MAOB: variants seen among roughly 807,000 people sequenced by gnomAD.
MAOB encodes the protein amine oxidase [flavin-containing] B.
A neutral mutation model predicts 41.9 loss-of-function variants in MAOB; 15 were observed. The observed-to-expected ratio is 0.36, with a 90% CI of 0.24 to 0.55. MAOB has a LOEUF of 0.55. MAOB is among the 20% of genes least tolerant of loss of function. The pLI is 0.86. For synonymous variants in MAOB, 167 were observed against 144.2 expected, an observed-to-expected ratio of 1.16 and a Z score of -1.13; for missense variants, 345 against 398.7, an observed-to-expected ratio of 0.87 and a Z score of 1.15.
chrX:43,815,615 C>T (rs1441923214), intron 3 of MAOB, among the ~76,000 whole-genome samples: 2 of 112,054 alleles, frequency 1.8e-5, no homozygotes, highest in East Asian at 5.6e-4. Context: ...AGAGTGCATA[C>T]ATATAGATAA....
In MAOB at chrX:43,850,569, T is replaced by C. The variant is rs750326813; in HGVS notation, c.47-6805A>G. 7.1e-6 allele frequency: 3 copies of C among 424,953 alleles called. No individual in the cohort carries two copies. In the African/African-American group the frequency reaches 8.1e-5, roughly 12 times the overall value. 35.0% of individuals were successfully genotyped at this position (424,953 alleles called of 1,213,427 possible). ...GACATAAACCAAATATTGCAATGTG[T>C]ACCATCATTTTGATCATTGAGAAGC... On this transcript the variant is annotated intron_variant, in intron 1 of 14. Coordinates refer to ENST00000378069, the MANE Select transcript of MAOB (RefSeq NM_000898.5).
chrX:43,796,051 T>C (rs2034523806), intron 6 of MAOB, among the ~76,000 whole-genome samples, 163 bp from the exon 7 acceptor site: 1 of 112,287 alleles, frequency 8.9e-6, no homozygotes, highest in Non-Finnish European at 1.9e-5. Context: ...TTGCTGTCTT[T>C]GGACAAAGTT....
At chrX:43,807,888 A>G (rs1369260572) in intron 3 of MAOB, among the ~76,000 whole-genome samples, 2 of 111,630 alleles carry the variant, frequency 1.8e-5, no homozygotes, top group Non-Finnish European at 3.8e-5. Flanking sequence ...TTGACACACA[A>G]TGCCCCGATT....
chrX:43,811,854 C>T (rs2034751258), intron 3 of MAOB, among the ~76,000 whole-genome samples: 1 of 111,675 alleles, frequency 9.0e-6, no homozygotes, highest in Non-Finnish European at 1.9e-5. Flanking sequence ...CAATTATACC[C>T]TCTTAGTTGT....
In MAOB at chrX:43,878,510, G is replaced by A. The variant is rs766444986; in HGVS notation, c.46+3744C>T. ...ACTCCTGGGCTCAAGCAATCCTCCC[G>A]TCTCAACCTTCCAAGATAAATCGTA... On this transcript the variant is annotated intron_variant, in intron 1 of 14. Transcript: ENST00000378069. Among the ~76,000 whole-genome samples, 5 of 109,660 alleles carry A rather than the reference G, an allele frequency of 4.6e-5. No homozygotes were observed. In the East Asian group the frequency reaches 1.4e-3, roughly 32 times the overall value.
At chrX:43,786,926 T>A (rs944031383) in intron 8 of MAOB, among the ~76,000 whole-genome samples, 1 of 111,640 alleles carries the variant, frequency 9.0e-6, no homozygotes, top group African/African-American at 3.3e-5. Flanking sequence ...CACTTGCAGA[T>A]AGAAAGCTCA....
At chrX:43,805,359 AC>A (rs1156319276) in intron 3 of MAOB, among the ~76,000 whole-genome samples, 1 of 111,682 alleles carries the variant, frequency 9.0e-6, no homozygotes, top group African/African-American at 3.3e-5. Context: ...GGGAGTTATG[AC>A]ACATGTGTAC....
At chrX:43,839,137 T>C in intron 2 of MAOB, 132 bp from the exon 3 acceptor site, 1 of 386,010 alleles carries the variant, frequency 2.6e-6, no homozygotes, top group Non-Finnish European at 4.1e-6. Context: ...CACGAAAAAC[T>C]AGATTTTGTT....
At chrX:43,840,994 G>A (rs1315295489) in intron 2 of MAOB, among the ~76,000 whole-genome samples, 2 of 107,871 alleles carry the variant, frequency 1.9e-5, no homozygotes, top group African/African-American at 6.8e-5. Flanking sequence ...GGAGCCAAGT[G>A]ATCTAGCTCA....
intron 3 of MAOB, among the ~76,000 whole-genome samples, chrX:43,823,981 T>C (rs2034914071): frequency 8.9e-6 from 1 of 112,632 alleles, no homozygotes; most frequent in African/African-American, 3.2e-5. Flanking sequence ...GCTAGCTAAC[T>C]CATGCTGACC....
intron 1 of MAOB, among the ~76,000 whole-genome samples, chrX:43,866,538 G>A (rs966700527): frequency 1.8e-5 from 2 of 112,032 alleles, no homozygotes; most frequent in Admixed American, 9.5e-5. Flanking sequence ...AAAGTAGAAT[G>A]ATGGTTGCCA....
intron 8 of MAOB, among the ~76,000 whole-genome samples, chrX:43,786,148 G>A (rs2034395491): frequency 8.9e-6 from 1 of 111,803 alleles, no homozygotes; most frequent in South Asian, 3.8e-4. Flanking sequence ...ACTGTGACAG[G>A]GCACTGGTGA....
In MAOB at chrX:43,767,290, G is replaced by A. The variant is rs2034123335; in HGVS notation, c.*176C>T. On this transcript the variant is annotated 3_prime_UTR_variant, in exon 15 of 15. Transcript: ENST00000378069. Reference sequence around the variant, plus strand: ...TAAGCCAGGTAAGGGACACTAAGCAGGGGCCACAACGGAGAAAGAGATACC... The same window carrying A: ...TAAGCCAGGTAAGGGACACTAAGCAAGGGCCACAACGGAGAAAGAGATACC... 4.5e-6 allele frequency: 2 copies of A among 443,874 alleles called. No homozygotes were observed. Among genetic ancestry groups the A allele is most frequent in the Non-Finnish European group, 7.4e-6 (2 of 272,070 alleles). 36.6% of individuals were successfully genotyped at this position (443,874 alleles called of 1,213,427 possible). A position where few individuals can be genotyped will look rare whatever the true frequency, so the allele number is the denominator to read the frequency against.
At chrX:43,808,112 G>A (rs773640614) in intron 3 of MAOB, among the ~76,000 whole-genome samples, 1 of 111,020 alleles carries the variant, frequency 9.0e-6, no homozygotes, top group African/African-American at 3.3e-5. Flanking sequence ...TGCACATTGA[G>A]AGCAATGTGC....
rs3216388 is a variant in MAOB, at chrX:43,862,855, C to CA, written c.47-19092dup. Among the ~76,000 whole-genome samples the CA allele has an allele frequency of 9.0e-5, 10 of 110,952 alleles. No homozygotes were observed. In the East Asian group the frequency reaches 2.3e-3, roughly 25 times the overall value. The stretch of plus-strand genomic sequence containing the variant: ...TCCACCCCATATTCTAACCACAAGT[C>CA]AAAAAAATGAAATAAAAATAACCTC... On this transcript the variant is annotated intron_variant, in intron 1 of 14. Coordinates refer to ENST00000378069, the MANE Select transcript of MAOB (RefSeq NM_000898.5).
Position 43,769,316 on chromosome X carries a change from T to G in MAOB, c.1338A>C (p.Ala446=), listed in dbSNP as rs773820803. 5.8e-6 allele frequency: 7 copies of G among 1,207,016 alleles called. No homozygotes were observed. The highest frequency in any genetic ancestry group is 7.8e-6 in the Non-Finnish European group (7 of 893,799). The change falls in exon 13 of 15, where the codon GCA becomes GCC. Residue 446 remains alanine, a synonymous_variant. Transcript: ENST00000378069. ...MEGAVEAGER[A]AREILHAMGK... ...TGACCCCAGACCCTACCTCTCGGGC[T>G]GCTCTCTCCCCGGCCTCTACAGCCC...
chrX:43,881,079 A>G (rs2035469886), intron 1 of MAOB, among the ~76,000 whole-genome samples: 1 of 113,301 alleles, frequency 8.8e-6, no homozygotes, highest in African/African-American at 3.2e-5. Context: ...AGGGCCTGGC[A>G]TGGGCGAGCT....
At chrX:43,823,957 G>T (rs2034913778) in intron 3 of MAOB, among the ~76,000 whole-genome samples, 1 of 112,430 alleles carries the variant, frequency 8.9e-6, no homozygotes, top group African/African-American at 3.2e-5. Context: ...AAATTCCAAA[G>T]CAGGCCACAA....
chrX:43,853,119 T>A (rs770534654), intron 1 of MAOB, among the ~76,000 whole-genome samples: 17 of 108,542 alleles, frequency 1.6e-4, no homozygotes, highest in South Asian at 8.2e-4. Context: ...ATACAAAAAA[T>A]TAGCCAGGCG....
Sources: allele counts gnomAD v4.1 joint callset (sites outside exome capture counted in the v4.1 genomes callset), GRCh38; gene constraint gnomAD v4.1.1; transcripts MANE v1.5; gene names NCBI Gene and HGNC (gene_info 2026-07-23, HGNC 2026-07-21).